Variants in ARHGAP24 observed in about 807,000 individuals in gnomAD.
The protein encoded by ARHGAP24 is rho GTPase-activating protein 24.
In ARHGAP24, 50 loss-of-function variants were observed where a neutral mutation model predicts 76.4. That is an observed-to-expected ratio of 0.65 (90% CI 0.52 to 0.83). ARHGAP24 has a LOEUF of 0.83. Ranked by LOEUF, ARHGAP24 falls within the 40% of genes least tolerant of loss-of-function variation. The pLI is 0.00. For missense variants in ARHGAP24, 930 were observed against 914.2 expected, an observed-to-expected ratio of 1.02 and a Z score of -0.22; for synonymous variants, 345 against 323.3, an observed-to-expected ratio of 1.07 and a Z score of -0.72.
intron 1 of ARHGAP24, among the ~76,000 whole-genome samples, chr4:85,504,929 T>G (rs1578190463): frequency 6.6e-6 from 1 of 152,294 alleles, no homozygotes; most frequent in South Asian, 2.1e-4. Flanking sequence ...TGACAAAATC[T>G]CTCAGCATTT....
intron 3 of ARHGAP24, among the ~76,000 whole-genome samples, chr4:85,797,872 G>A (rs929460043): frequency 1.3e-5 from 2 of 152,090 alleles, no homozygotes; most frequent in African/African-American, 2.4e-5. Flanking sequence ...TATTTCGGAG[G>A]GGAAAGGAGG....
chr4:85,762,240 G>A (rs924958421), intron 3 of ARHGAP24, among the ~76,000 whole-genome samples: 1 of 152,158 alleles, frequency 6.6e-6, no homozygotes, highest in Non-Finnish European at 1.5e-5. Flanking sequence ...GTATCATTAA[G>A]AAATTTCATT....
chr4:85,665,419 A>G (rs866171872), intron 2 of ARHGAP24, among the ~76,000 whole-genome samples: 3 of 152,084 alleles, frequency 2.0e-5, no homozygotes, highest in East Asian at 3.9e-4. Flanking sequence ...TCTGCACGTG[A>G]GATGGGTATC....
intron 3 of ARHGAP24, among the ~76,000 whole-genome samples, chr4:85,835,053 C>G (rs1730188105): frequency 6.6e-6 from 1 of 152,082 alleles, no homozygotes; most frequent in African/African-American, 2.4e-5. Flanking sequence ...AAGCAAATAC[C>G]TTGTTAGTAG....
At chr4:85,927,648 T>C (rs1736090113) in intron 4 of ARHGAP24, among the ~76,000 whole-genome samples, 1 of 152,160 alleles carries the variant, frequency 6.6e-6, no homozygotes, top group Admixed American at 6.5e-5. Context: ...GTAAGGAAAT[T>C]TAGAAGAGGA....
chr4:85,670,032 A>C (rs1191702745), intron 2 of ARHGAP24, among the ~76,000 whole-genome samples: 1 of 151,864 alleles, frequency 6.6e-6, no homozygotes, highest in Non-Finnish European at 1.5e-5. Flanking sequence ...TGTGGAAAGG[A>C]ATTTTTATTC....
rs748396958 is a variant in ARHGAP24, at chr4:85,721,921, C to T, written c.217C>T (p.His73Tyr). 48 of 1,613,534 alleles carry T rather than the reference C, an allele frequency of 3.0e-5. No individual in the cohort carries two copies. Among genetic ancestry groups the T allele is most frequent in the Admixed American group, 1.3e-4 (8 of 59,966 alleles). ...IFLPGNKVSE[H>Y]PCNEENPGKF... Reference sequence around the variant, plus strand: ...TCTGCCTGGAAATAAAGTTTCTGAGCATCCCTGCAATGAAGAGAACCCAGG... The same window carrying T: ...TCTGCCTGGAAATAAAGTTTCTGAGTATCCCTGCAATGAAGAGAACCCAGG... Residue 73 changes from histidine to tyrosine, a missense_variant, in exon 3 of 10, where the codon CAT becomes TAT. Physicochemically the swap from His to Tyr is moderately conservative, Grantham distance 83 (BLOSUM62 2). Coordinates refer to ENST00000395184, the MANE Select transcript of ARHGAP24 (RefSeq NM_001025616.3).
intron 2 of ARHGAP24, among the ~76,000 whole-genome samples, chr4:85,716,438 A>G (rs904346424): frequency 2.0e-5 from 3 of 152,150 alleles, no homozygotes; most frequent in Non-Finnish European, 2.9e-5. Context: ...AAAAATACGT[A>G]TAATCCCATT....
At chr4:85,555,594 C>A (rs575713759) in intron 1 of ARHGAP24, among the ~76,000 whole-genome samples, 1 of 152,204 alleles carries the variant, frequency 6.6e-6, no homozygotes, top group Non-Finnish European at 1.5e-5. Context: ...CAAGTCCTGG[C>A]TATAGCTCTT....
At chr4:85,911,395 G>GA (rs966223506) in intron 3 of ARHGAP24, among the ~76,000 whole-genome samples, 14 of 150,312 alleles carry the variant, frequency 9.3e-5, no homozygotes, top group South Asian at 6.3e-4. Flanking sequence ...CCAAAAAAAA[G>GA]AAAAAAAAAA....
intron 3 of ARHGAP24, among the ~76,000 whole-genome samples, chr4:85,895,399 T>C (rs1273088132): frequency 6.6e-6 from 1 of 152,102 alleles, no homozygotes; most frequent in East Asian, 1.9e-4. Flanking sequence ...ATTAAAGTCA[T>C]TTATCCCAAA....
chr4:85,852,590 A>G (rs190322441), intron 3 of ARHGAP24, among the ~76,000 whole-genome samples: 4 of 152,176 alleles, frequency 2.6e-5, no homozygotes, highest in East Asian at 1.9e-4. Context: ...TGTTGTTTTT[A>G]TCTACCTTTG....
At position 85,490,103 on chromosome 4, in the gene ARHGAP24, G is replaced by A. The variant is rs572451142; in HGVS notation, c.-21+14544G>A. ...GCAAAGGTCATATTACCATGGGCCT[G>A]GAGGGGGCAGAAATGGGAGGGAGAG... is the stretch of plus-strand genomic sequence containing the variant. On this transcript the variant is annotated intron_variant, in intron 1 of 9. Transcript: ENST00000395184. Among the ~76,000 whole-genome samples, 7 of 152,266 alleles carry A rather than the reference G, an allele frequency of 4.6e-5. No homozygotes were observed. The East Asian group carries it at 1.2e-3, about 25-fold the overall frequency.
At chr4:85,726,895 G>A (rs778098813) in intron 3 of ARHGAP24, among the ~76,000 whole-genome samples, 6 of 152,122 alleles carry the variant, frequency 3.9e-5, no homozygotes, top group South Asian at 2.1e-4. Flanking sequence ...TGGGCCAGGC[G>A]CTGTGGCTCA....
chr4:85,741,884 A>T (rs181046133), intron 3 of ARHGAP24, among the ~76,000 whole-genome samples: 19 of 152,298 alleles, frequency 1.2e-4, no homozygotes, highest in Non-Finnish European at 2.4e-4. Context: ...AGCTGACACC[A>T]TTCTATGTGG....
At chr4:85,831,344 C>A (rs1202775553) in intron 3 of ARHGAP24, among the ~76,000 whole-genome samples, 1 of 152,086 alleles carries the variant, frequency 6.6e-6, no homozygotes, top group Non-Finnish European at 1.5e-5. Flanking sequence ...AAAATTATTG[C>A]AAAGTTTCCT....
chr4:85,938,822 T>G (rs1736797455), intron 4 of ARHGAP24, among the ~76,000 whole-genome samples: 1 of 152,068 alleles, frequency 6.6e-6, no homozygotes, highest in Non-Finnish European at 1.5e-5. Context: ...CAGAGTATTT[T>G]CCTTCTCTTT....
intron 2 of ARHGAP24, among the ~76,000 whole-genome samples, chr4:85,678,886 G>A (rs1723096777): frequency 6.6e-6 from 1 of 152,200 alleles, no homozygotes; most frequent in African/African-American, 2.4e-5. Context: ...GGTGTCCGAT[G>A]CATGCTGGCA....
chr4:85,903,890 G>A (rs1022419291), intron 3 of ARHGAP24, among the ~76,000 whole-genome samples: 39 of 152,138 alleles, frequency 2.6e-4, no homozygotes, highest in African/African-American at 7.0e-4. Context: ...AAGGAAGTAT[G>A]TAAGGGATTC....
Sources: gnomAD v4.1 joint callset for allele counts (sites outside exome capture counted in the v4.1 genomes callset) on GRCh38, gnomAD v4.1.1 for gene constraint, MANE v1.5 for transcripts, NCBI Gene and HGNC (gene_info 2026-07-23, HGNC 2026-07-21) for gene names.